The following DUSP10 variants were observed in gnomAD, a reference collection of about 807,000 sequenced individuals.
The protein encoded by DUSP10 is dual specificity phosphatase 10.
Under a neutral mutation model 30.8 loss-of-function variants are expected in DUSP10, and 14 were observed. The observed-to-expected ratio is 0.46, with a 90% CI of 0.30 to 0.71. The LOEUF is 0.71. Ranked by LOEUF, DUSP10 falls within the 30% of genes least tolerant of loss-of-function variation. The probability of loss-of-function intolerance (pLI) is 0.08; values close to 1 mark genes in which losing one functional copy is unlikely to be tolerated. For synonymous variants in DUSP10, 254 were observed against 250.4 expected (o/e 1.01, Z -0.14); for missense variants, 550 against 619.4 (o/e 0.89, Z 1.19).
intron 2 of DUSP10, among the ~76,000 whole-genome samples, chr1:221,713,134 T>A (rs1220043552): frequency 6.6e-6 from 1 of 152,172 alleles, no homozygotes; most frequent in Non-Finnish European, 1.5e-5. Context: ...GTACAGTTGC[T>A]TCAGAGCAGT....
chr1:221,724,613 A>G (rs11118839), intron 2 of DUSP10, among the ~76,000 whole-genome samples: 18,079 of 152,204 alleles, frequency 0.12, 3,283 homozygotes, highest in African/African-American at 0.39. Context: ...GACGCTGCAG[A>G]TAGATTTAAT....
chr1:221,718,179 G>A (rs546961361), intron 2 of DUSP10, among the ~76,000 whole-genome samples: 2 of 152,000 alleles, frequency 1.3e-5, no homozygotes, highest in African/African-American at 2.4e-5. Context: ...AAAGGCAAGC[G>A]CAGTAAGCCT....
rs1661886335 is a variant in DUSP10 at position 221,739,505 on chromosome 1, G to A, written c.240C>T (p.Cys80=). The A allele has an allele frequency of 1.2e-6, 2 of 1,614,218 alleles. No individual in the cohort carries two copies. The highest frequency in any genetic ancestry group is 1.7e-6 in the Non-Finnish European group (2 of 1,180,048). Residue 80 remains cysteine (C), a synonymous_variant, in exon 2 of 4, where the codon TGC becomes TGT. Transcript: ENST00000366899. ...CCTTGTCGTAGGTTGCCACAGTGCA[G>A]CAGCTGGCACTGCTGCATCCACAAT... ...SLNCGCSSAS[C]CTVATYDKDN... is the part of the protein sequence containing the mutation.
intron 2 of DUSP10, among the ~76,000 whole-genome samples, chr1:221,722,967 C>T (rs902595951): frequency 6.7e-6 from 1 of 149,604 alleles, no homozygotes; most frequent in Non-Finnish European, 1.5e-5. Flanking sequence ...ACCACAAAAG[C>T]GTAATTCCAG....
intron 2 of DUSP10, among the ~76,000 whole-genome samples, chr1:221,733,359 C>T (rs182808242): frequency 6.6e-6 from 1 of 152,338 alleles, no homozygotes; most frequent in Admixed American, 6.5e-5. Flanking sequence ...AGTGCTTTAC[C>T]TATTCAGTTT....
In DUSP10 at chr1:221,701,482, ATT is replaced by A. The variant is rs5781244; in HGVS notation, c.*928_*929del. Reference sequence around the variant, plus strand: ...ACACAATCAACAGAAACACACCAAGATTTTTTTTTTTTTTGCGAAAAATATTT... The same window carrying A: ...ACACAATCAACAGAAACACACCAAGATTTTTTTTTTTTGCGAAAAATATTT... On this transcript the variant is annotated 3_prime_UTR_variant, in exon 4 of 4. Transcript: ENST00000366899. 4.3e-3 allele frequency: 609 copies of A among 141,138 alleles called. 3 individuals are homozygous for A. The highest frequency in any genetic ancestry group is 5.5e-3 in the East Asian group (27 of 4,900). 8.7% of individuals were successfully genotyped at this position (141,138 alleles called of 1,614,324 possible). A position where few individuals can be genotyped will look rare whatever the true frequency, so the allele number is the denominator to read the frequency against.
intron 2 of DUSP10, among the ~76,000 whole-genome samples, chr1:221,734,092 C>G (rs983548878): frequency 6.6e-6 from 1 of 152,172 alleles, no homozygotes; most frequent in Non-Finnish European, 1.5e-5. Flanking sequence ...AACCAGCGCA[C>G]CCCTCCTTCC....
At chr1:221,713,603 T>TA (rs1571813584) in intron 2 of DUSP10, among the ~76,000 whole-genome samples, 1 of 150,346 alleles carries the variant, frequency 6.7e-6, no homozygotes, top group African/African-American at 2.4e-5. Flanking sequence ...TATAAAAACT[T>TA]AGTTTCAACA....
intron 2 of DUSP10, among the ~76,000 whole-genome samples, chr1:221,715,710 T>C (rs1304205987): frequency 6.6e-6 from 1 of 152,210 alleles, no homozygotes; most frequent in African/African-American, 2.4e-5. Context: ...ATGACAGTCA[T>C]GTAATTTTCC....
intron 2 of DUSP10, among the ~76,000 whole-genome samples, chr1:221,715,946 C>T (rs887836935): frequency 6.6e-6 from 1 of 151,286 alleles, no homozygotes; most frequent in Non-Finnish European, 1.5e-5. Flanking sequence ...CTCTTCTCTC[C>T]CTCACCTCTC....
At chr1:221,714,021 T>A (rs1405929905) in intron 2 of DUSP10, among the ~76,000 whole-genome samples, 1 of 152,254 alleles carries the variant, frequency 6.6e-6, no homozygotes, top group Non-Finnish European at 1.5e-5. Flanking sequence ...TTCATTTTTA[T>A]TTAGTTCATC....
chr1:221,741,541 C>T (rs565727541), intron 1 of DUSP10, among the ~76,000 whole-genome samples: 42 of 152,230 alleles, frequency 2.8e-4, no homozygotes, highest in African/African-American at 1.0e-3. Flanking sequence ...TGAGCTATCC[C>T]CTCTCCCTTC....
rs1660608458 is a variant in DUSP10 at position 221,701,592 on chromosome 1, A to G, written c.*820T>C. 1 of 151,896 alleles carries G rather than the reference A, an allele frequency of 6.6e-6. No individual in the cohort carries two copies. Among genetic ancestry groups the G allele is most frequent in the Admixed American group, 6.6e-5 (1 of 15,250 alleles). 9.4% of individuals were successfully genotyped at this position (151,896 alleles called of 1,614,324 possible). A position where few individuals can be genotyped will look rare whatever the true frequency, so the allele number is the denominator to read the frequency against. Reference sequence around the variant, plus strand: ...CTGTAACCAGAATCAAATCAGAAAAAAAAAAAAAAAAGGAAAAAGGTGGGA... The same window carrying G: ...CTGTAACCAGAATCAAATCAGAAAAGAAAAAAAAAAAGGAAAAAGGTGGGA... On this transcript the variant is annotated 3_prime_UTR_variant, in exon 4 of 4. Transcript: ENST00000366899.
chr1:221,739,045 T>C lies in DUSP10; in HGVS notation c.700A>G (p.Ile234Val), dbSNP rs1558128725. 3.1e-6 allele frequency: 5 copies of C among 1,614,088 alleles called. No individual in the cohort carries two copies. The highest frequency in any genetic ancestry group is 2.7e-5 in the African/African-American group (2 of 74,908). The change falls in exon 2 of 4, where the codon ATA becomes GTA. Residue 234 changes from isoleucine to valine, a missense_variant. Physicochemically the swap from Ile to Val is conservative, Grantham distance 29. Transcript: ENST00000366899. ...TCATTGGTATTCTCATCATAAACTA[T>C]AATTTCTTTGGAAAAGATCCTCTTG... ...SFKRIFSKEI[I>V]VYDENTNEPS...
intron 2 of DUSP10, among the ~76,000 whole-genome samples, chr1:221,717,588 G>A (rs908712211): frequency 6.6e-6 from 1 of 151,974 alleles, no homozygotes; most frequent in Non-Finnish European, 1.5e-5. Flanking sequence ...TGGACTGATT[G>A]TATCTCTCCT....
chr1:221,708,671 A>G (rs968939664), intron 2 of DUSP10, among the ~76,000 whole-genome samples: 3 of 152,216 alleles, frequency 2.0e-5, no homozygotes, highest in Non-Finnish European at 4.4e-5. Context: ...GAAGAAAGAA[A>G]ATATGGAAAA....
chr1:221,718,581 G>A (rs1004777028), intron 2 of DUSP10, among the ~76,000 whole-genome samples: 1 of 152,146 alleles, frequency 6.6e-6, no homozygotes, highest in Non-Finnish European at 1.5e-5. Context: ...TCTGCATTAA[G>A]TCTCTAAAGA....
At chr1:221,738,270 A>G (rs1661839101) in intron 2 of DUSP10, among the ~76,000 whole-genome samples, 1 of 152,240 alleles carries the variant, frequency 6.6e-6, no homozygotes, top group Non-Finnish European at 1.5e-5. Context: ...TTGTCAGGTG[A>G]GGCCAGAAAA....
At chr1:221,730,487 T>C (rs944005232) in intron 2 of DUSP10, among the ~76,000 whole-genome samples, 1 of 151,410 alleles carries the variant, frequency 6.6e-6, no homozygotes, top group Admixed American at 6.6e-5. Flanking sequence ...TCAGGAAGAG[T>C]TGCGCTTTGT....
Sources: gnomAD v4.1 joint callset for allele counts (sites outside exome capture counted in the v4.1 genomes callset) on GRCh38, gnomAD v4.1.1 for gene constraint, MANE v1.5 for transcripts, NCBI Gene and HGNC (gene_info 2026-07-23, HGNC 2026-07-21) for gene names.